The following SULF1 variants were observed in gnomAD, a reference collection of about 807,000 sequenced individuals.
SULF1 encodes sulfatase 1.
A neutral mutation model predicts 110.5 loss-of-function variants in SULF1; 46 were observed. That is an observed-to-expected ratio of 0.42 (90% CI 0.33 to 0.53). SULF1 has a LOEUF of 0.53. SULF1 is among the 20% of genes least tolerant of loss of function. The pLI is 0.12. For missense variants in SULF1, 941 were observed against 1,094.2 expected, an observed-to-expected ratio of 0.86 and a Z score of 1.98; for synonymous variants, 371 against 387.1, an observed-to-expected ratio of 0.96 and a Z score of 0.49.
chr8:69,628,830 C>T (rs565240214), intron 18 of SULF1, among the ~76,000 whole-genome samples: 1 of 152,132 alleles, frequency 6.6e-6, no homozygotes, highest in African/African-American at 2.4e-5. Context: ...ATTCAACTAA[C>T]CTTTAACTCG....
chr8:69,499,001 G>A (rs980625755), intron 2 of SULF1, among the ~76,000 whole-genome samples: 3 of 152,142 alleles, frequency 2.0e-5, no homozygotes, highest in Non-Finnish European at 4.4e-5. Context: ...TGGGATCACA[G>A]GCATGTGCAA....
At chr8:69,477,236 C>T (rs941421190) in intron 1 of SULF1, among the ~76,000 whole-genome samples, 2 of 152,156 alleles carry the variant, frequency 1.3e-5, no homozygotes, top group African/African-American at 4.8e-5. Context: ...AGTCACCTTA[C>T]CTTTTCGATG....
chr8:69,642,300 G>A, intron 22 of SULF1: 1 of 987,268 alleles, frequency 1.0e-6, no homozygotes, highest in Non-Finnish European at 1.2e-6. Context: ...CTTTTAGAGA[G>A]AAGGTCATTA....
At chr8:69,489,612 T>TCCATCTCCAGCCA (rs1299441553), upstream of SULF1, among the ~76,000 whole-genome samples, 10 of 143,994 alleles carry the variant, frequency 6.9e-5, no homozygotes, top group Non-Finnish European at 1.4e-4. Flanking sequence ...AGTCTTGCTC[T>TCCATCTCCAGCCA]GTCGCCCAGG....
Position 69,600,633 on chromosome 8 carries a change from G to A in SULF1, c.765G>A (p.Met255Ile). 2 of 1,612,976 alleles carry A rather than the reference G, an allele frequency of 1.2e-6. No homozygotes were observed. The highest frequency in any genetic ancestry group is 1.7e-6 in the Non-Finnish European group (2 of 1,179,336). ...ITPSYNYAPN[M>I]DKHWIMQYTG... Reference sequence around the variant, plus strand: ...CTAGTTATAACTATGCACCAAATATGGATAAACACTGGATTATGCAGTACA... The same window carrying A: ...CTAGTTATAACTATGCACCAAATATAGATAAACACTGGATTATGCAGTACA... Residue 255 changes from methionine (M) to isoleucine (I), a missense_variant, in exon 9 of 23, where the codon ATG becomes ATA. Met to Ile is a conservative substitution (Grantham distance 10). This residue lies in a region of SULF1 where 822 missense variants were observed against 934.3 expected (regional missense o/e 0.88). Transcript: ENST00000402687.
chr8:69,501,384 C>CA (rs1810787640), intron 2 of SULF1, among the ~76,000 whole-genome samples: 1 of 152,098 alleles, frequency 6.6e-6, no homozygotes, highest in Non-Finnish European at 1.5e-5. Context: ...TTTCAGCTGT[C>CA]AAAAATGTGG....
chr8:69,588,935 T>C (rs772692106), intron 7 of SULF1, 37 bp from the exon 8 acceptor site: 1 of 1,588,446 alleles, frequency 6.3e-7, no homozygotes, highest in Non-Finnish European at 8.6e-7. Flanking sequence ...AATGTCACCT[T>C]TTGTAATTTT....
At chr8:69,502,257 G>A (rs1332508020) in intron 3 of SULF1, among the ~76,000 whole-genome samples, 1 of 152,166 alleles carries the variant, frequency 6.6e-6, no homozygotes, top group Non-Finnish European at 1.5e-5. Flanking sequence ...CATATTATGA[G>A]CTGCTCAGGA....
chr8:69,516,827 C>A (rs972877792), intron 3 of SULF1, among the ~76,000 whole-genome samples: 2 of 152,008 alleles, frequency 1.3e-5, no homozygotes, highest in South Asian at 2.1e-4. Context: ...GTAATATTAT[C>A]ATTGATATTA....
chr8:69,597,473 G>C (rs1292189384), intron 8 of SULF1: 1 of 151,938 alleles, frequency 6.6e-6, no homozygotes, highest in African/African-American at 2.4e-5. Context: ...GAAAAATAAG[G>C]GGGGGCAGGA....
chr8:69,599,624 G>C (rs944005710), intron 8 of SULF1, among the ~76,000 whole-genome samples: 8 of 152,104 alleles, frequency 5.3e-5, no homozygotes, highest in African/African-American at 1.9e-4. Flanking sequence ...ACTCTCACTC[G>C]GTTTTTAATA....
At chr8:69,551,252 C>G (rs16936069) in intron 3 of SULF1, among the ~76,000 whole-genome samples, 3,766 of 152,264 alleles carry the variant, frequency 0.025, 137 homozygotes, top group African/African-American at 0.084. Flanking sequence ...GAGTGTTGAA[C>G]CTATCTTTAA....
In SULF1 at chr8:69,603,312, A is replaced by G. The variant is rs1481631643; in HGVS notation, c.1182A>G (p.Pro394=). Reference sequence around the variant, plus strand: ...TCAAACTTCTGGACCCAGAAAAGCCAGGTAACAGGTGTGTCATTGTTCCTC... The same window carrying G: ...TCAAACTTCTGGACCCAGAAAAGCCGGGTAACAGGTGTGTCATTGTTCCTC... ...SVLKLLDPEK[P]GNRFRTNKKA... is the part of the protein sequence containing the mutation. The change falls in exon 11 of 23, where the codon CCA becomes CCG. Residue 394 remains proline, a synonymous_variant. Transcript: ENST00000402687. 2.5e-6 allele frequency: 4 copies of G among 1,614,128 alleles called. No individual in the cohort carries two copies. Among genetic ancestry groups the G allele is most frequent in the Admixed American group, 3.3e-5 (2 of 60,016 alleles).
chr8:69,506,549 C>G (rs981916707), intron 3 of SULF1, among the ~76,000 whole-genome samples: 12 of 152,154 alleles, frequency 7.9e-5, no homozygotes, highest in Non-Finnish European at 1.8e-4. Context: ...ACATTGTGCC[C>G]ATCAGGCTGT....
intron 3 of SULF1, among the ~76,000 whole-genome samples, chr8:69,559,187 C>A (rs1815311532): frequency 6.6e-6 from 1 of 152,114 alleles, no homozygotes; most frequent in African/African-American, 2.4e-5. Context: ...GATACTACAA[C>A]AAAACTTGGC....
intron 8 of SULF1, among the ~76,000 whole-genome samples, chr8:69,593,336 C>T (rs529295333): frequency 6.6e-6 from 1 of 152,262 alleles, no homozygotes; most frequent in East Asian, 1.9e-4. Flanking sequence ...CAAAGGGATG[C>T]GAGAAGTTAA....
intron 3 of SULF1, among the ~76,000 whole-genome samples, chr8:69,552,397 T>C (rs1814786968): frequency 6.6e-6 from 1 of 152,240 alleles, no homozygotes; most frequent in Non-Finnish European, 1.5e-5. Flanking sequence ...ACTAAGATTA[T>C]GACTCTAGCC....
At chr8:69,523,296 C>G (rs971848665) in intron 3 of SULF1, among the ~76,000 whole-genome samples, 1 of 152,042 alleles carries the variant, frequency 6.6e-6, no homozygotes, top group Non-Finnish European at 1.5e-5. Flanking sequence ...AAGTTCTCCT[C>G]CAGTTGCTTC....
At chr8:69,607,683 G>A (rs1040016236) in intron 13 of SULF1, among the ~76,000 whole-genome samples, 5 of 152,092 alleles carry the variant, frequency 3.3e-5, no homozygotes, top group Non-Finnish European at 4.4e-5. Context: ...GTGTTCTATC[G>A]ACTTTTTATA....
Sources: allele counts gnomAD v4.1 joint callset (sites outside exome capture counted in the v4.1 genomes callset), GRCh38; gene constraint gnomAD v4.1.1; regional missense constraint gnomAD v4.1.1; transcripts MANE v1.5; gene names NCBI Gene and HGNC (gene_info 2026-07-23, HGNC 2026-07-21).